Variants in SUGCT observed in about 807,000 individuals in gnomAD.
SUGCT encodes succinyl-CoA:glutarate CoA-transferase.
In SUGCT, 41 loss-of-function variants were observed where a neutral mutation model predicts 55.0. That is an observed-to-expected ratio of 0.74 (90% confidence interval 0.58 to 0.97). SUGCT has a LOEUF of 0.97. SUGCT is among the 50% of genes least tolerant of loss of function. The pLI is 0.00. For synonymous variants in SUGCT, 187 were observed against 200.4 expected (o/e 0.93, Z 0.56); for missense variants, 568 against 547.8 (o/e 1.04, Z -0.37).
intron 12 of SUGCT, among the ~76,000 whole-genome samples, chr7:40,729,242 C>T (rs935552654): frequency 6.6e-6 from 1 of 152,122 alleles, no homozygotes; most frequent in Non-Finnish European, 1.5e-5. Context: ...TTGTTTTAGC[C>T]ATCACATATT....
At chr7:40,226,561 A>G (rs568244028) in intron 6 of SUGCT, among the ~76,000 whole-genome samples, 181 of 152,250 alleles carry the variant, frequency 1.2e-3, no homozygotes, top group African/African-American at 4.3e-3. Flanking sequence ...GTGGCTAAGA[A>G]GAATCTTCAG....
chr7:40,245,419 ATATATTTT>A lies in SUGCT; in HGVS notation c.576+7695_576+7702del, dbSNP rs1167704203. ...ACGTAGTAGACATATATATATATAT[ATATATTTT>A]TTTTTTTTTTTTTTTTTTTTTTTTT... On this transcript the variant is annotated intron_variant, in intron 7 of 13. Transcript: ENST00000335693. Among the ~76,000 whole-genome samples the A allele has an allele frequency of 2.8e-4, 7 of 24,976 alleles. 1 individual carries two copies. Among genetic ancestry groups the A allele is most frequent in the Admixed American group, 2.0e-3 (3 of 1,472 alleles). The allele number at this position is 24,976 out of a possible 152,430, so 16.4% of individuals were successfully genotyped here.
intron 13 of SUGCT, among the ~76,000 whole-genome samples, chr7:40,769,185 G>GA (rs1788961660): frequency 6.6e-6 from 1 of 152,126 alleles, no homozygotes; most frequent in African/African-American, 2.4e-5. Flanking sequence ...GAGAGTGGAT[G>GA]AGCACTTAGC....
At chr7:41,019,747 TG>T in the SUGCT span, among the ~76,000 whole-genome samples, 2 of 152,210 alleles carry the variant, frequency 1.3e-5, no homozygotes, top group African/African-American at 2.4e-5. Context: ...TTCTGCCTGA[TG>T]GGGGTGTTAT....
intron 12 of SUGCT, among the ~76,000 whole-genome samples, chr7:40,664,658 A>C (rs1026973286): frequency 1.3e-5 from 2 of 152,208 alleles, no homozygotes; most frequent in Non-Finnish European, 2.9e-5. Flanking sequence ...ATGTGCAATG[A>C]TGCTTATAAT....
At chr7:40,266,383 G>A (rs1226088294) in intron 7 of SUGCT, among the ~76,000 whole-genome samples, 2 of 151,152 alleles carry the variant, frequency 1.3e-5, no homozygotes, top group Non-Finnish European at 3.0e-5. Flanking sequence ...TCCTGACCTC[G>A]GGTGATCTGC....
intron 13 of SUGCT, among the ~76,000 whole-genome samples, chr7:40,809,351 TTTCTA>T (rs1325636085): frequency 6.6e-6 from 1 of 152,204 alleles, no homozygotes; most frequent in African/African-American, 2.4e-5. Flanking sequence ...CCAATGATAT[TTTCTA>T]TTAGTGTGGG....
At chr7:40,442,628 A>G (rs1234208161) in intron 9 of SUGCT, among the ~76,000 whole-genome samples, 1 of 152,024 alleles carries the variant, frequency 6.6e-6, no homozygotes, top group African/African-American at 2.4e-5. Flanking sequence ...TAGCTCATAT[A>G]CTTTACCTGG....
intron 1 of SUGCT, among the ~76,000 whole-genome samples, chr7:40,156,332 G>A (rs1386861702): frequency 6.6e-6 from 1 of 152,054 alleles, no homozygotes; most frequent in Non-Finnish European, 1.5e-5. Context: ...GCGTGGTGAA[G>A]GGCACCTGTA....
At chr7:40,320,818 A>G (rs1012472428) in intron 9 of SUGCT, among the ~76,000 whole-genome samples, 2 of 152,210 alleles carry the variant, frequency 1.3e-5, no homozygotes, top group East Asian at 1.9e-4. Context: ...TTTAGAGCAT[A>G]CAAGTGCAGG....
At chr7:40,737,961 A>G (rs1249021755) in intron 12 of SUGCT, among the ~76,000 whole-genome samples, 1 of 151,856 alleles carries the variant, frequency 6.6e-6, no homozygotes, top group Non-Finnish European at 1.5e-5. Context: ...GCAGAGGCTC[A>G]TGCCTATAAT....
the SUGCT span, among the ~76,000 whole-genome samples, chr7:40,886,558 T>A: frequency 6.6e-6 from 1 of 152,218 alleles, no homozygotes; most frequent in East Asian, 1.9e-4. Context: ...TGTGTGTGGA[T>A]AGCAAGATGC....
At chr7:40,178,582 G>T (rs1785034859) in intron 1 of SUGCT, among the ~76,000 whole-genome samples, 1 of 151,610 alleles carries the variant, frequency 6.6e-6, no homozygotes, top group Admixed American at 6.6e-5. Context: ...TTGTCTTTCA[G>T]CATTGTTGAG....
chr7:40,590,087 T>C (rs910428434), intron 12 of SUGCT, among the ~76,000 whole-genome samples: 1 of 152,182 alleles, frequency 6.6e-6, no homozygotes, highest in African/African-American at 2.4e-5. Context: ...ATATCTGTTA[T>C]GGTGATTTGT....
intron 13 of SUGCT, among the ~76,000 whole-genome samples, chr7:40,751,633 A>G (rs1322122909): frequency 1.3e-5 from 2 of 152,160 alleles, no homozygotes; most frequent in Non-Finnish European, 2.9e-5. Context: ...TAGCACTCCT[A>G]TTGTTTAGCT....
intron 9 of SUGCT, among the ~76,000 whole-genome samples, chr7:40,424,251 G>T (rs1444363931): frequency 6.6e-6 from 1 of 152,112 alleles, no homozygotes; most frequent in Non-Finnish European, 1.5e-5. Context: ...AGGGAGCAAG[G>T]TATAGAATGA....
intron 8 of SUGCT, among the ~76,000 whole-genome samples, chr7:40,288,321 G>T (rs773118089): frequency 3.9e-5 from 6 of 151,984 alleles, no homozygotes; most frequent in Non-Finnish European, 4.4e-5. Context: ...AGCCTGGGTT[G>T]TTCCCCCACT....
intron 12 of SUGCT, among the ~76,000 whole-genome samples, chr7:40,496,669 A>C (rs916167274): frequency 3.3e-5 from 5 of 152,150 alleles, no homozygotes; most frequent in African/African-American, 1.2e-4. Flanking sequence ...AGAAATATAC[A>C]CAATTGAGAT....
chr7:40,884,828 T>G, the SUGCT span, among the ~76,000 whole-genome samples: 1 of 152,164 alleles, frequency 6.6e-6, no homozygotes, highest in East Asian at 1.9e-4. Flanking sequence ...TTATCGTTAC[T>G]TTACAGTTTG....
Sources: allele counts gnomAD v4.1 joint callset (sites outside exome capture counted in the v4.1 genomes callset), GRCh38; gene constraint gnomAD v4.1.1; transcripts MANE v1.5; gene names NCBI Gene and HGNC (gene_info 2026-07-23, HGNC 2026-07-21).